Variants in CACNA1C observed in about 807,000 individuals in gnomAD.
The protein encoded by CACNA1C is voltage-dependent L-type calcium channel subunit alpha-1C.
Under a neutral mutation model 229.0 loss-of-function variants are expected in CACNA1C, and 30 were observed. The observed-to-expected ratio is 0.13, with a 90% CI of 0.10 to 0.18. The LOEUF is 0.18. Ranked by LOEUF, CACNA1C falls within the 10% of genes least tolerant of loss-of-function variation. The pLI is 1.00. For synonymous variants in CACNA1C, 1,114 were observed against 1,132.5 expected (o/e 0.98, Z 0.33); for missense variants, 1,658 against 2,845.0 (o/e 0.58, Z 9.49).
At chr12:2,476,372 A>G (rs918628690) in intron 5 of CACNA1C, among the ~76,000 whole-genome samples, 1 of 152,250 alleles carries the variant, frequency 6.6e-6, no homozygotes, top group African/African-American at 2.4e-5. Flanking sequence ...CAACTCTGCC[A>G]TTTACCAAGT....
upstream of CACNA1C, among the ~76,000 whole-genome samples, chr12:2,052,560 C>G (rs2052516159): frequency 1.4e-5 from 2 of 147,918 alleles, no homozygotes; most frequent in Non-Finnish European, 3.0e-5. Flanking sequence ...GGGCTGCAGG[C>G]CGGCGCGGGG....
chr12:2,318,849 CAG>C (rs1163265377), intron 3 of CACNA1C, among the ~76,000 whole-genome samples: 1 of 147,684 alleles, frequency 6.8e-6, no homozygotes, highest in African/African-American at 2.5e-5. Context: ...GGCAGAGAGA[CAG>C]GGAAGGAGGG....
chr12:2,297,493 C>A (rs1337159728), intron 3 of CACNA1C, among the ~76,000 whole-genome samples: 4 of 152,164 alleles, frequency 2.6e-5, no homozygotes, highest in African/African-American at 9.7e-5. Context: ...AGAACATGGG[C>A]AGTGGCCCTT....
At chr12:2,508,726 T>C (rs2099777082) in intron 8 of CACNA1C, among the ~76,000 whole-genome samples, 2 of 152,210 alleles carry the variant, frequency 1.3e-5, no homozygotes, top group African/African-American at 4.8e-5. Flanking sequence ...ACCTCTTCTA[T>C]CTGGATCATG....
At chr12:2,482,394 A>G (rs4765689) in intron 5 of CACNA1C, among the ~76,000 whole-genome samples, 98,010 of 151,686 alleles carry the variant, frequency 0.65, 32,663 homozygotes, top group East Asian at 0.88. Context: ...GAGCCAGACC[A>G]CCTGGCACTG....
chr12:2,517,487 G>T (rs990211374), intron 9 of CACNA1C, among the ~76,000 whole-genome samples: 2 of 152,240 alleles, frequency 1.3e-5, no homozygotes, highest in East Asian at 3.8e-4. Flanking sequence ...ATACTCAAGA[G>T]CCATTTCAGA....
At chr12:2,507,157 C>G (rs1323858729) in intron 8 of CACNA1C, among the ~76,000 whole-genome samples, 2 of 152,226 alleles carry the variant, frequency 1.3e-5, no homozygotes. Context: ...ATACGCTGGT[C>G]TTTCCTGGAG....
At chr12:2,142,366 T>C (rs1450123390) in intron 3 of CACNA1C, among the ~76,000 whole-genome samples, 1 of 151,220 alleles carries the variant, frequency 6.6e-6, no homozygotes, top group Non-Finnish European at 1.5e-5. Flanking sequence ...GGTGCTGTTG[T>C]AAACAAACCT....
At chr12:2,675,304 AC>A (rs2096749255) in intron 39 of CACNA1C, among the ~76,000 whole-genome samples, 1 of 152,268 alleles carries the variant, frequency 6.6e-6, no homozygotes, top group Non-Finnish European at 1.5e-5. Context: ...ACCAGCAGGT[AC>A]ATTTAATTGA....
At chr12:2,100,709 GA>G (rs1445088544) in intron 1 of CACNA1C, among the ~76,000 whole-genome samples, 2 of 151,694 alleles carry the variant, frequency 1.3e-5, no homozygotes, top group Non-Finnish European at 2.9e-5. Context: ...AGTGAGCTGT[GA>G]TCACGGCACT....
intron 3 of CACNA1C, among the ~76,000 whole-genome samples, chr12:2,195,215 T>C (rs7312368): frequency 0.068 from 10,374 of 152,216 alleles, 1,135 homozygotes; most frequent in African/African-American, 0.23. Flanking sequence ...GAGTGGGTTT[T>C]AGTGTCCCAA....
rs1031101181 is a variant in CACNA1C at position 2,630,703 on chromosome 12, A to C, written c.3829-3594A>C. Among the ~76,000 whole-genome samples, 1 of 152,174 alleles carries C rather than the reference A, an allele frequency of 6.6e-6. No homozygotes were observed. Among genetic ancestry groups the C allele is most frequent in the African/African-American group, 2.4e-5 (1 of 41,440 alleles). On this transcript the variant is annotated intron_variant, in intron 29 of 46. Transcript: ENST00000399655. This position sits in a 1 kb window ranked among gnomAD's most constrained non-coding sequence, Gnocchi z 5.4. ...CCAGACATGTACCCTCACCCACTGC[A>C]TTCCAGCTCTGTGGAAATCCCCCAG...
chr12:2,668,225 G>A (rs569560856), intron 37 of CACNA1C, among the ~76,000 whole-genome samples: 41 of 152,338 alleles, frequency 2.7e-4, no homozygotes, highest in African/African-American at 8.4e-4. Flanking sequence ...ACACCTGCAC[G>A]CCTGAGCAGA....
At chr12:2,616,382 A>G (rs952326982) in intron 29 of CACNA1C, among the ~76,000 whole-genome samples, 1 of 152,108 alleles carries the variant, frequency 6.6e-6, no homozygotes, top group Admixed American at 6.5e-5. Context: ...GTTGACGCAT[A>G]TATAGTGGAG....
At chr12:2,261,415 A>G (rs1196406116) in intron 3 of CACNA1C, among the ~76,000 whole-genome samples, 1 of 152,230 alleles carries the variant, frequency 6.6e-6, no homozygotes, top group East Asian at 1.9e-4. Context: ...TCTGTCATTC[A>G]GTGTGTTATG....
At chr12:2,447,690 C>T (rs990911252) in intron 3 of CACNA1C, among the ~76,000 whole-genome samples, 3 of 152,192 alleles carry the variant, frequency 2.0e-5, no homozygotes, top group African/African-American at 7.2e-5. Context: ...GGCCCTGCTC[C>T]CGATGGCCCT....
At chr12:2,123,240 G>T (rs139068047) in intron 3 of CACNA1C, among the ~76,000 whole-genome samples, 9 of 152,074 alleles carry the variant, frequency 5.9e-5, no homozygotes, top group African/African-American at 2.2e-4. Context: ...GCCAGGCGTG[G>T]TGGCGGGCAC....
intron 9 of CACNA1C, among the ~76,000 whole-genome samples, chr12:2,545,757 C>T (rs1337331813): frequency 6.6e-6 from 1 of 152,214 alleles, no homozygotes; most frequent in African/African-American, 2.4e-5. Flanking sequence ...TTGCACCAAC[C>T]TAACTTGTGA....
rs1442587788 is a variant in CACNA1C, at chr12:2,653,702, C to T, written c.4075-133C>T. 5 of 725,050 alleles carry T rather than the reference C, an allele frequency of 6.9e-6. No homozygotes were observed. The highest frequency in any genetic ancestry group is 4.1e-5 in the Admixed American group (2 of 48,534). The allele number at this position is 725,050 out of a possible 1,614,324, so 44.9% of individuals were successfully genotyped here. ...AGGTTCCCCGTAGTCCTGTGGGACT[C>T]TTGGAAGTGTCCCCCGGCCCAAACC... On this transcript the variant is annotated intron_variant, in intron 32 of 46. Coordinates refer to ENST00000399655, the MANE Select transcript of CACNA1C (RefSeq NM_000719.7). The surrounding 1 kb of genome is among the most constrained non-coding windows in gnomAD (Gnocchi z 4.7).
Sources: gnomAD v4.1 joint callset for allele counts (sites outside exome capture counted in the v4.1 genomes callset) on GRCh38, gnomAD v4.1.1 for gene constraint, Gnocchi (gnomAD v3.1) non-coding constraint, MANE v1.5 for transcripts, NCBI Gene and HGNC (gene_info 2026-07-23, HGNC 2026-07-21) for gene names.